MTR: variants seen among roughly 807,000 people sequenced by gnomAD.
The protein encoded by MTR is methionine synthase.
A neutral mutation model predicts 154.8 loss-of-function variants in MTR; 84 were observed. The observed-to-expected ratio is 0.54, with a 90% confidence interval of 0.45 to 0.65. The LOEUF (loss-of-function observed/expected upper bound fraction) is 0.65, where lower values mean the gene tolerates loss of function less well. MTR is among the 30% of genes least tolerant of loss of function. MTR has a pLI of 0.00. For synonymous variants in MTR, 554 were observed against 553.9 expected (o/e 1.00, Z 0.00); for missense variants, 1,275 against 1,570.2 (o/e 0.81, Z 3.18).
At chr1:236,823,984 T>C in intron 8 of MTR, 135 bp from the exon 9 acceptor site, 1 of 743,418 alleles carries the variant, frequency 1.3e-6, no homozygotes, top group East Asian at 2.7e-5. Context: ...GCTTTGATGG[T>C]AGTTGAATAA....
At chr1:236,822,041 CT>C (rs777274934) in intron 8 of MTR, among the ~76,000 whole-genome samples, 5 of 152,100 alleles carry the variant, frequency 3.3e-5, no homozygotes, top group African/African-American at 7.2e-5. Context: ...TGTTCTGGGT[CT>C]TTTGTCTCGC....
intron 29 of MTR, among the ~76,000 whole-genome samples, chr1:236,893,250 C>T (rs1287228734): frequency 1.3e-5 from 2 of 152,198 alleles, no homozygotes; most frequent in East Asian, 1.9e-4. Context: ...CTGTGACATT[C>T]CTGTGTGCCA....
intron 12 of MTR, among the ~76,000 whole-genome samples, chr1:236,829,716 GT>G (rs796749589): frequency 5.3e-5 from 8 of 152,264 alleles, no homozygotes; most frequent in African/African-American, 1.9e-4. Flanking sequence ...TTTGCCACAT[GT>G]TTAGGACTTT....
At chr1:236,854,469 G>A (rs1319521643) in intron 18 of MTR, among the ~76,000 whole-genome samples, 3 of 152,042 alleles carry the variant, frequency 2.0e-5, no homozygotes, top group South Asian at 2.1e-4. Context: ...TAGCCCTGTC[G>A]TCTTCTTTGA....
chr1:236,893,277 C>T (rs903538560), intron 29 of MTR, among the ~76,000 whole-genome samples: 1 of 152,202 alleles, frequency 6.6e-6, no homozygotes, highest in Non-Finnish European at 1.5e-5. Flanking sequence ...AACACCTCCT[C>T]GCCTGTACTT....
rs1206820362 is a variant in MTR at position 236,815,587 on chromosome 1, T to C, written c.610-17T>C. Reference sequence around the variant, plus strand: ...CACTCTCAGAAATAAAGACGTTCTTTCTTTTTTCCCTGACAGGCAGCCTTG... The same window carrying C: ...CACTCTCAGAAATAAAGACGTTCTTCCTTTTTTCCCTGACAGGCAGCCTTG... On this transcript the variant is annotated splice_polypyrimidine_tract_variant and intron_variant, in intron 6 of 32. Transcript: ENST00000366577. The C allele has an allele frequency of 1.2e-6, 2 of 1,613,808 alleles. No homozygotes were observed.
intron 15 of MTR, among the ~76,000 whole-genome samples, chr1:236,842,373 T>G (rs1186541378): frequency 6.6e-6 from 1 of 152,102 alleles, no homozygotes; most frequent in African/African-American, 2.4e-5. Flanking sequence ...TGTCCTTGAG[T>G]TGTTTTCTTT....
Position 236,897,508 on chromosome 1 carries a change from C to T in MTR, c.3712-50C>T, listed in dbSNP as rs769219145. On this transcript the variant is annotated intron_variant, in intron 32 of 32. Transcript: ENST00000366577. Reference sequence around the variant, plus strand: ...GGCAAATCTTGTGGAAACTTCTATTCCAAAAGTCTTATCATGTTGGTTTAA... The same window carrying T: ...GGCAAATCTTGTGGAAACTTCTATTTCAAAAGTCTTATCATGTTGGTTTAA... 6.5e-6 allele frequency: 10 copies of T among 1,549,086 alleles called. No individual in the cohort carries two copies. The South Asian group carries it at 1.1e-4, about 17-fold the overall frequency.
At chr1:236,814,436 C>T (rs539356169) in intron 6 of MTR, among the ~76,000 whole-genome samples, 10 of 152,212 alleles carry the variant, frequency 6.6e-5, no homozygotes, top group African/African-American at 1.9e-4. Flanking sequence ...TCTAAGTTTT[C>T]GAATGTGTGG....
intron 1 of MTR, among the ~76,000 whole-genome samples, chr1:236,797,026 AAAAAT>A (rs1343655919): frequency 6.6e-6 from 1 of 152,142 alleles, no homozygotes; most frequent in Non-Finnish European, 1.5e-5. Flanking sequence ...TTTAAAAAAA[AAAAAT>A]AAACTGAAAG....
chr1:236,841,022 G>C (rs1294185059), intron 15 of MTR, among the ~76,000 whole-genome samples: 1 of 152,118 alleles, frequency 6.6e-6, no homozygotes, highest in African/African-American at 2.4e-5. Flanking sequence ...TCTGCAAATA[G>C]TTAGACAAAT....
chr1:236,876,330 GGTTTGC>G (rs1305169404), intron 24 of MTR, among the ~76,000 whole-genome samples: 3 of 151,194 alleles, frequency 2.0e-5, no homozygotes, highest in African/African-American at 7.3e-5. Context: ...TAGAAAACAG[GGTTTGC>G]GTTTCCACAA....
At position 236,861,258 on chromosome 1, in the gene MTR, G is replaced by C. The variant is rs1162023924; in HGVS notation, c.2177G>C (p.Gly726Ala). 1 of 1,613,718 alleles carries C rather than the reference G, an allele frequency of 6.2e-7. No individual in the cohort carries two copies. The highest frequency in any genetic ancestry group is 8.5e-7 in the Non-Finnish European group (1 of 1,179,938). ...ATTGTTGGTGATCTTTTTGGAGCTG[G>C]AAAAATGTTTCTACCTCAGGTTAGC... ...MKIVGDLFGA[G>A]KMFLPQVIKS... Residue 726 changes from glycine to alanine, a missense_variant, in exon 20 of 33, where the codon GGA becomes GCA. Coordinates refer to ENST00000366577, the MANE Select transcript of MTR (RefSeq NM_000254.3).
intron 22 of MTR, among the ~76,000 whole-genome samples, chr1:236,867,887 AC>A (rs1371559604): frequency 6.6e-6 from 1 of 152,216 alleles, no homozygotes; most frequent in Non-Finnish European, 1.5e-5. Flanking sequence ...ATTGCTTCTT[AC>A]GGCTGAGCAA....
intron 8 of MTR, among the ~76,000 whole-genome samples, chr1:236,823,796 CTTTTTTTTTT>C (rs59710180): frequency 9.2e-4 from 17 of 18,438 alleles, no homozygotes; most frequent in Admixed American, 2.7e-3. Flanking sequence ...CAGGTCAGAT[CTTTTTTTTTT>C]TTTTTTTTTT....
At position 236,828,790 on chromosome 1, in the gene MTR, T is replaced by A. The variant is rs559576511; in HGVS notation, c.996-399T>A. ...CTTGCCAAAGGTGAAATCCTTTTTC[T>A]GTTCAAATTTTGAGTAGGAAGCAAG... On this transcript the variant is annotated intron_variant, in intron 11 of 32. Coordinates refer to ENST00000366577, the MANE Select transcript of MTR (RefSeq NM_000254.3). Among the ~76,000 whole-genome samples the A allele has an allele frequency of 7.8e-4, 118 of 152,166 alleles. 3 individuals carry two copies. The highest frequency in any genetic ancestry group is 2.8e-3 in the African/African-American group (116 of 41,504).
intron 2 of MTR, among the ~76,000 whole-genome samples, chr1:236,805,294 A>C (rs907628055): frequency 3.3e-5 from 5 of 152,088 alleles, no homozygotes; most frequent in African/African-American, 1.2e-4. Flanking sequence ...GGGTTTCAGT[A>C]GGGATGTGAT....
chr1:236,810,418 A>G, intron 4 of MTR, 85 bp from the exon 5 acceptor site: 1 of 1,130,518 alleles, frequency 8.8e-7, no homozygotes, highest in Non-Finnish European at 1.3e-6. Flanking sequence ...CCTGTGTTCC[A>G]GAAAAAAATC....
intron 22 of MTR, among the ~76,000 whole-genome samples, chr1:236,869,393 C>T (rs528154179): frequency 5.3e-5 from 8 of 152,250 alleles, no homozygotes; most frequent in Non-Finnish European, 1.0e-4. Context: ...GACAAAGTCT[C>T]GCTAATGTTG....
Sources: gnomAD v4.1 joint callset for allele counts (sites outside exome capture counted in the v4.1 genomes callset) on GRCh38, gnomAD v4.1.1 for gene constraint, MANE v1.5 for transcripts, NCBI Gene and HGNC (gene_info 2026-07-23, HGNC 2026-07-21) for gene names.